Variants in CREB3L2 observed in about 807,000 individuals in gnomAD.
CREB3L2 encodes the protein cyclic AMP-responsive element-binding protein 3-like protein 2.
In CREB3L2, 23 loss-of-function variants were observed where a neutral mutation model predicts 57.2. That is an observed-to-expected ratio of 0.40 (90% CI 0.29 to 0.57). CREB3L2 has a LOEUF of 0.57. Ranked by LOEUF, CREB3L2 falls within the 20% of genes least tolerant of loss-of-function variation. The pLI is 0.42. For synonymous variants in CREB3L2, 268 were observed against 265.1 expected (o/e 1.01, Z -0.11); for missense variants, 628 against 634.7 (o/e 0.99, Z 0.11).
rs565145027 is a variant in CREB3L2, at chr7:138,001,628, G to A, written c.78C>T (p.Asp26=). ...RKLSELSEPG[D]GEALMYHTHF... Reference sequence around the variant, plus strand: ...CCGTGTGGTACATGAGGGCCTCGCCGTCCCCGGGCTCTGACAGCTCGCTCA... The same window carrying A: ...CCGTGTGGTACATGAGGGCCTCGCCATCCCCGGGCTCTGACAGCTCGCTCA... The change falls in exon 1 of 12, where the codon GAC becomes GAT. Residue 26 remains aspartate, a synonymous_variant. Transcript: ENST00000330387. This position sits in a 1 kb window ranked among gnomAD's most constrained non-coding sequence, Gnocchi z 4.2. The A allele has an allele frequency of 3.6e-5, 58 of 1,613,142 alleles. No homozygotes were observed. The African/African-American group carries it at 3.6e-4, about 10-fold the overall frequency.
chr7:137,927,787 GA>G (rs61623523), intron 2 of CREB3L2, among the ~76,000 whole-genome samples: 7,663 of 141,480 alleles, frequency 0.054, 487 homozygotes, highest in African/African-American at 0.16. Context: ...TTCTTTCTCA[GA>G]AAAAAAAAAA....
intron 1 of CREB3L2, among the ~76,000 whole-genome samples, chr7:137,939,306 G>T (rs1467751518): frequency 2.6e-5 from 4 of 152,116 alleles, no homozygotes; most frequent in Non-Finnish European, 5.9e-5. Flanking sequence ...CCTGGAGTAG[G>T]GCAGGACCCC....
intron 1 of CREB3L2, among the ~76,000 whole-genome samples, chr7:137,990,408 T>C (rs1038961052): frequency 2.0e-5 from 3 of 152,214 alleles, no homozygotes; most frequent in African/African-American, 7.2e-5. Context: ...ACAGCTCTCA[T>C]GCAAAACATG....
intron 1 of CREB3L2, among the ~76,000 whole-genome samples, chr7:137,951,210 T>G (rs1421429981): frequency 2.0e-5 from 3 of 152,112 alleles, no homozygotes. Context: ...CTAAAACACC[T>G]CCCAAGCACA....
chr7:137,923,847 C>T (rs1337854734), intron 2 of CREB3L2, among the ~76,000 whole-genome samples: 3 of 152,170 alleles, frequency 2.0e-5, no homozygotes, highest in Non-Finnish European at 2.9e-5. Context: ...TCCCTGTTCT[C>T]GCATGGCAGC....
rs1480073201 is a variant in CREB3L2, at chr7:137,877,483, T to C, written c.*2993A>G. The C allele has an allele frequency of 4.4e-6, 1 of 225,608 alleles. No homozygotes were observed. Among genetic ancestry groups the C allele is most frequent in the African/African-American group, 2.2e-5 (1 of 44,906 alleles). 14.0% of individuals were successfully genotyped at this position (225,608 alleles called of 1,614,324 possible). A position where few individuals can be genotyped will look rare whatever the true frequency, so the allele number is the denominator to read the frequency against. ...AGCCTTTCATTTACAATATCCCTTT[T>C]TAAGTGCAAAGTCGAGGGCTGTGAA... On this transcript the variant is annotated 3_prime_UTR_variant, in exon 12 of 12. Transcript: ENST00000330387.
At chr7:137,902,308 C>T (rs927918380) in intron 7 of CREB3L2, among the ~76,000 whole-genome samples, 2 of 151,710 alleles carry the variant, frequency 1.3e-5, no homozygotes, top group African/African-American at 4.8e-5. Context: ...TCTTTCCTCT[C>T]ACCTCCTCCC....
At chr7:137,953,505 G>C (rs763759786) in intron 1 of CREB3L2, 1 of 1,289,104 alleles carries the variant, frequency 7.8e-7, no homozygotes. Flanking sequence ...CCCAACACAC[G>C]ACTCTCCTGA....
At chr7:137,998,903 G>T (rs1180184161) in intron 1 of CREB3L2, among the ~76,000 whole-genome samples, 2 of 152,152 alleles carry the variant, frequency 1.3e-5, no homozygotes, top group Non-Finnish European at 2.9e-5. Context: ...CTGCCTTTCG[G>T]ATGATAAACA....
chr7:137,993,876 C>A (rs577196103), intron 1 of CREB3L2, among the ~76,000 whole-genome samples: 1 of 152,302 alleles, frequency 6.6e-6, no homozygotes, highest in African/African-American at 2.4e-5. Flanking sequence ...CTGAGCAAAT[C>A]TCTACTGCTC....
chr7:137,910,710 C>T (rs1445087122), intron 4 of CREB3L2, among the ~76,000 whole-genome samples: 1 of 152,086 alleles, frequency 6.6e-6, no homozygotes, highest in East Asian at 1.9e-4. Flanking sequence ...ATACCGTTCT[C>T]CCGTCCAAGC....
At chr7:138,000,968 T>C (rs575155499) in intron 1 of CREB3L2, among the ~76,000 whole-genome samples, 72 of 152,192 alleles carry the variant, frequency 4.7e-4, no homozygotes, top group African/African-American at 1.7e-3. Flanking sequence ...TCTCAGATTT[T>C]CCATACTCCT....
chr7:137,928,722 C>A (rs1585635041), intron 1 of CREB3L2, among the ~76,000 whole-genome samples: 1 of 152,284 alleles, frequency 6.6e-6, no homozygotes, highest in South Asian at 2.1e-4. Context: ...CGGGCTTCCT[C>A]CCATGATGGC....
chr7:137,999,379 T>TACACACACACACACACACAC (rs60762009), intron 1 of CREB3L2, among the ~76,000 whole-genome samples: 2 of 142,422 alleles, frequency 1.4e-5, no homozygotes, highest in Non-Finnish European at 1.5e-5. Flanking sequence ...TATGTTCCCC[T>TACACACACACACACACACAC]ACACACACAC....
intron 2 of CREB3L2, among the ~76,000 whole-genome samples, chr7:137,927,729 A>C (rs544562430): frequency 8.6e-5 from 13 of 150,984 alleles, no homozygotes; most frequent in Admixed American, 3.3e-4. Flanking sequence ...ATAGAACATG[A>C]TGGAATTGGG....
At chr7:137,937,888 C>T (rs1421933361) in intron 1 of CREB3L2, among the ~76,000 whole-genome samples, 6 of 145,758 alleles carry the variant, frequency 4.1e-5, no homozygotes, top group Non-Finnish European at 7.5e-5. Context: ...CCAGATGAAC[C>T]TTTTTTTTTT....
intron 1 of CREB3L2, among the ~76,000 whole-genome samples, chr7:137,981,635 G>C (rs961066794): frequency 1.3e-5 from 2 of 152,202 alleles, no homozygotes; most frequent in Non-Finnish European, 2.9e-5. Flanking sequence ...GGCAGGCAGT[G>C]GTTTAGCTCA....
Position 137,946,196 on chromosome 7 carries a change from G to A in CREB3L2, c.103-17830C>T, listed in dbSNP as rs139606557. ...CCCTTGAGTGTGGCCTGTGCAACAT[G>A]TGATTATGACAGATGGCAGTCCTGT... is the stretch of plus-strand genomic sequence containing the variant. On this transcript the variant is annotated intron_variant, in intron 1 of 11. Transcript: ENST00000330387. 2.2e-3 allele frequency among the ~76,000 whole-genome samples: 334 copies of A among 152,210 alleles called. 1 individual carries two copies. The highest frequency in any genetic ancestry group is 7.3e-3 in the African/African-American group (303 of 41,516).
intron 1 of CREB3L2, among the ~76,000 whole-genome samples, chr7:137,937,179 C>T (rs548495087): frequency 2.0e-5 from 3 of 152,298 alleles, no homozygotes; most frequent in African/African-American, 4.8e-5. Flanking sequence ...ACTTAAAAAT[C>T]GTGGCTAGGA....
Sources: gnomAD v4.1 joint callset for allele counts (sites outside exome capture counted in the v4.1 genomes callset) on GRCh38, gnomAD v4.1.1 for gene constraint, Gnocchi (gnomAD v3.1) non-coding constraint, MANE v1.5 for transcripts, NCBI Gene and HGNC (gene_info 2026-07-23, HGNC 2026-07-21) for gene names.